KIAA0319: variants seen among roughly 807,000 people sequenced by gnomAD.
KIAA0319 encodes the protein dyslexia-associated protein KIAA0319.
A neutral mutation model predicts 108.4 loss-of-function variants in KIAA0319; 83 were observed. The ratio of observed to expected loss-of-function variants is 0.77; its 90% CI spans 0.64 to 0.92. The LOEUF (loss-of-function observed/expected upper bound fraction) is 0.92. Among genes scored for constraint, KIAA0319 ranks in the 40% least tolerant of loss-of-function variants. The pLI is 0.00. For missense variants in KIAA0319, 1,195 were observed against 1,322.4 expected (o/e 0.90, Z 1.49); for synonymous variants, 484 against 510.4 (o/e 0.95, Z 0.70).
In KIAA0319 at chr6:24,563,401, G is replaced by C. The variant is rs140038163; in HGVS notation, c.2549C>G (p.Ser850Trp). Reference sequence around the variant, plus strand: ...CCGAATCTTCTGGACCTTAATGTCCGAGTCCAGCACGTTCAGCAGCACAGC... The same window carrying C: ...CCGAATCTTCTGGACCTTAATGTCCCAGTCCAGCACGTTCAGCAGCACAGC... ...QLAVLLNVLD[S>W]DIKVQKIRAH... Residue 850 changes from serine to tryptophan, a missense_variant, in exon 16 of 21, where the codon TCG becomes TGG. Physicochemically the swap from Ser to Trp is radical, Grantham distance 177 (BLOSUM62 -3). Coordinates refer to ENST00000378214, the MANE Select transcript of KIAA0319 (RefSeq NM_014809.4). 6.2e-7 allele frequency: 1 copy of C among 1,613,634 alleles called. No individual in the cohort carries two copies. The highest frequency in any genetic ancestry group is 8.5e-7 in the Non-Finnish European group (1 of 1,179,810).
chr6:24,607,804 T>C (rs17248202), intron 1 of KIAA0319, among the ~76,000 whole-genome samples: 44,193 of 152,170 alleles, frequency 0.29, 8,201 homozygotes, highest in Non-Finnish European at 0.4. Context: ...TGCTTAAGTA[T>C]GCATTTTAAA....
intron 17 of KIAA0319, 52 bp from the exon 18 acceptor site, chr6:24,556,781 G>A (rs1278233260): frequency 6.4e-7 from 1 of 1,567,728 alleles, no homozygotes; most frequent in Admixed American, 1.9e-5. Context: ...GGGAATCCCT[G>A]GATTCAGCTT....
intron 8 of KIAA0319, among the ~76,000 whole-genome samples, chr6:24,578,879 T>G (rs896878731): frequency 6.6e-6 from 1 of 152,252 alleles, no homozygotes; most frequent in Non-Finnish European, 1.5e-5. Context: ...TAAGCCATAC[T>G]GAATTAGAGG....
In KIAA0319 at chr6:24,564,325, A is replaced by G; in HGVS notation, c.2308T>C (p.Ser770Pro). The G allele has an allele frequency of 6.2e-7, 1 of 1,614,184 alleles. No homozygotes were observed. The highest frequency in any genetic ancestry group is 8.5e-7 in the Non-Finnish European group (1 of 1,180,006). ...AGCTGCAGAGCCACACTGTGGTCAG[A>G]GCCATCGATGACATCCTGCGAAAGA... Reference protein sequence around the residue: ...SPAAGDVIDGSDHSVALQLTN... With the variant: ...SPAAGDVIDGPDHSVALQLTN... Residue 770 changes from serine to proline, a missense_variant, in exon 15 of 21, where the codon TCT becomes CCT. Coordinates refer to ENST00000378214, the MANE Select transcript of KIAA0319 (RefSeq NM_014809.4).
intron 1 of KIAA0319, among the ~76,000 whole-genome samples, chr6:24,608,641 G>A (rs1017190364): frequency 5.3e-5 from 8 of 151,976 alleles, no homozygotes; most frequent in Non-Finnish European, 7.4e-5. Flanking sequence ...ATTAAAAATC[G>A]CATGTCAGGC....
rs750031443 is a variant in KIAA0319, at chr6:24,595,902, C to G, written c.772G>C (p.Glu258Gln). 9.3e-6 allele frequency: 15 copies of G among 1,609,524 alleles called. No individual in the cohort carries two copies. The highest frequency in any genetic ancestry group is 1.3e-5 in the Non-Finnish European group (15 of 1,177,708). Residue 258 changes from glutamate (E) to glutamine (Q), a missense_variant, in exon 3 of 21, where the codon GAA becomes CAA. Physicochemically the swap from Glu to Gln is conservative, Grantham distance 29. Coordinates refer to ENST00000378214, the MANE Select transcript of KIAA0319 (RefSeq NM_014809.4). ...TTTCCAGAGCTGTTGCTGGATTGTTCCTGGAGCTGAGAAGCCTTTTCTTTC... is the reference window on the plus strand; with the variant it reads ...TTTCCAGAGCTGTTGCTGGATTGTTGCTGGAGCTGAGAAGCCTTTTCTTTC... The part of the protein sequence containing the change: ...LEKEKASQLQ[E>Q]QSSNSSGKEV...
chr6:24,618,523 A>T (rs1236872180), intron 1 of KIAA0319, among the ~76,000 whole-genome samples: 1 of 151,914 alleles, frequency 6.6e-6, no homozygotes, highest in African/African-American at 2.4e-5. Flanking sequence ...CTGAGGTGGG[A>T]GAGTTGCCTG....
At chr6:24,644,250 G>C (rs1777326067) in intron 1 of KIAA0319, among the ~76,000 whole-genome samples, 1 of 152,102 alleles carries the variant, frequency 6.6e-6, no homozygotes, top group South Asian at 2.1e-4. Flanking sequence ...GGGGAGAGGG[G>C]GGGGTTCCCA....
intron 1 of KIAA0319, among the ~76,000 whole-genome samples, chr6:24,624,474 T>C (rs1774435770): frequency 6.6e-6 from 1 of 151,688 alleles, no homozygotes; most frequent in African/African-American, 2.4e-5. Flanking sequence ...TCCAGCAAAA[T>C]GAAAAATGAA....
intron 1 of KIAA0319, among the ~76,000 whole-genome samples, chr6:24,612,607 C>A (rs776709110): frequency 1.8e-4 from 27 of 152,278 alleles, no homozygotes; most frequent in Admixed American, 5.9e-4. Flanking sequence ...TATATACCAG[C>A]ACCTTTTGTT....
At chr6:24,561,566 G>A (rs1264454890) in intron 16 of KIAA0319, among the ~76,000 whole-genome samples, 1 of 151,870 alleles carries the variant, frequency 6.6e-6, no homozygotes, top group Non-Finnish European at 1.5e-5. Flanking sequence ...CACATTTTTT[G>A]GAGACTGGGT....
chr6:24,609,277 A>AC lies in KIAA0319; in HGVS notation c.-105-8070_-105-8069insG, dbSNP rs1170076205. On this transcript the variant is annotated intron_variant, in intron 1 of 20. Transcript: ENST00000378214. ...AGCCAGACCCTGTCTCAAAAACAAA[A>AC]AAAAAAAAAAAAGAAAAAAAAAAAA... Among the ~76,000 whole-genome samples the AC allele has an allele frequency of 4.1e-5, 6 of 147,930 alleles. No homozygotes were observed. In the East Asian group the frequency reaches 1.2e-3, roughly 29 times the overall value.
At chr6:24,540,922 C>T (rs1760174176), downstream of KIAA0319, among the ~76,000 whole-genome samples, 4 of 148,978 alleles carry the variant, frequency 2.7e-5, no homozygotes, top group Non-Finnish European at 6.0e-5. Context: ...CAATTTCACT[C>T]GTTTTTATGT....
intron 1 of KIAA0319, among the ~76,000 whole-genome samples, chr6:24,624,026 T>TTA: frequency 1.4e-5 from 2 of 139,614 alleles, no homozygotes; most frequent in African/African-American, 5.3e-5. Flanking sequence ...TCTTTTTTTT[T>TTA]TTTTTTTTTT....
rs777178299 is a variant in KIAA0319 at position 24,583,673 on chromosome 6, T to C, written c.1024A>G (p.Asn342Asp). 6.2e-7 allele frequency: 1 copy of C among 1,613,500 alleles called. No homozygotes were observed. Among genetic ancestry groups the C allele is most frequent in the Middle Eastern group, 1.7e-4 (1 of 6,056 alleles). The stretch of plus-strand genomic sequence containing the variant: ...TTGTCGGGTAAAGTTATAATTAGGT[T>C]ATCTCCAGCCGATACCGTAAGTTCT... ...VKELTVSAGDNLIITLPDNEV... is the reference protein window; with the variant it reads ...VKELTVSAGDDLIITLPDNEV... Residue 342 changes from asparagine (N) to aspartate (D), a missense_variant, in exon 5 of 21, where the codon AAC becomes GAC. Transcript: ENST00000378214.
In KIAA0319 at chr6:24,596,633, GT is replaced by G; in HGVS notation, c.56-16del. On this transcript the variant is annotated splice_polypyrimidine_tract_variant and intron_variant, in intron 2 of 20. Coordinates refer to ENST00000378214, the MANE Select transcript of KIAA0319 (RefSeq NM_014809.4). ...ACGGGCACAACCTTTAAACAAAGTA[GT>G]TTCTAATGAGGGAGAGAGGCATATC... The G allele has an allele frequency of 6.3e-7, 1 of 1,577,996 alleles. No individual in the cohort carries two copies.
intron 1 of KIAA0319, among the ~76,000 whole-genome samples, chr6:24,605,181 TA>T (rs1771226146): frequency 2.0e-5 from 3 of 152,262 alleles, no homozygotes; most frequent in African/African-American, 7.2e-5. Context: ...CTTTATGGAT[TA>T]AATAATCCTT....
chr6:24,563,373 G>A lies in KIAA0319; in HGVS notation c.2577C>T (p.Ala859=). 1 of 1,613,040 alleles carries A rather than the reference G, an allele frequency of 6.2e-7. No individual in the cohort carries two copies. The highest frequency in any genetic ancestry group is 8.5e-7 in the Non-Finnish European group (1 of 1,179,476). The change falls in exon 16 of 21, where the codon GCC becomes GCT. Residue 859 remains alanine (A), a synonymous_variant. Coordinates refer to ENST00000378214, the MANE Select transcript of KIAA0319 (RefSeq NM_014809.4). ...DSDIKVQKIR[A]HSDLSTVIVF... ...GCAGCTCCTACCTGAGATCCGAGTG[G>A]GCCCGAATCTTCTGGACCTTAATGT...
rs200599034 is a variant in KIAA0319 at position 24,584,428 on chromosome 6, A to AT, written c.995-727dup. Among the ~76,000 whole-genome samples, 144 of 123,474 alleles carry AT rather than the reference A, an allele frequency of 1.2e-3. 7 individuals are homozygous for AT. The highest frequency in any genetic ancestry group is 1.8e-3 in the Non-Finnish European group (110 of 62,850). 81.0% of individuals were successfully genotyped at this position (123,474 alleles called of 152,430 possible). A position where few individuals can be genotyped will look rare whatever the true frequency, so the allele number is the denominator to read the frequency against. The stretch of plus-strand genomic sequence containing the variant: ...AGATACTACACAGAGAAAAGCAAAG[A>AT]TTTAAAAAAAAAAAAAAAAAAAAAA... On this transcript the variant is annotated intron_variant, in intron 4 of 20. Coordinates refer to ENST00000378214, the MANE Select transcript of KIAA0319 (RefSeq NM_014809.4).
Sources: allele counts gnomAD v4.1 joint callset (sites outside exome capture counted in the v4.1 genomes callset), GRCh38; gene constraint gnomAD v4.1.1; transcripts MANE v1.5; gene names NCBI Gene and HGNC (gene_info 2026-07-23, HGNC 2026-07-21).